SLC39A11: variants seen among roughly 807,000 people sequenced by gnomAD.
The protein encoded by SLC39A11 is zinc transporter ZIP11.
SLC39A11 carries 33 observed loss-of-function variants against 36.1 expected under a neutral mutation model. The observed-to-expected ratio is 0.91, with a 90% CI of 0.69 to 1.22. SLC39A11 has a LOEUF of 1.22. SLC39A11 is among the 50% of genes most tolerant of loss of function. The pLI is 0.00. For synonymous variants in SLC39A11, 166 were observed against 170.3 expected (o/e 0.97, Z 0.20); for missense variants, 432 against 430.3 (o/e 1.00, Z -0.03).
At chr17:73,091,219 G>C (rs1408023856) in intron 1 of SLC39A11, among the ~76,000 whole-genome samples, 1 of 152,158 alleles carries the variant, frequency 6.6e-6, no homozygotes, top group Admixed American at 6.5e-5. Flanking sequence ...CCTGAGGTCA[G>C]GAGTTCGAGA....
intron 4 of SLC39A11, among the ~76,000 whole-genome samples, chr17:73,021,244 C>T (rs766435694): frequency 2.0e-5 from 3 of 152,026 alleles, no homozygotes; most frequent in Non-Finnish European, 4.4e-5. Flanking sequence ...GCTAGGGGTA[C>T]GGTTATAAGC....
intron 6 of SLC39A11, among the ~76,000 whole-genome samples, chr17:72,788,911 T>C (rs2076604967): frequency 6.6e-6 from 1 of 152,228 alleles, no homozygotes; most frequent in Non-Finnish European, 1.5e-5. Flanking sequence ...ACATGTACTG[T>C]GGCAAGGCCA....
intron 7 of SLC39A11, among the ~76,000 whole-genome samples, chr17:72,665,708 C>T (rs376361852): frequency 4.9e-4 from 75 of 152,024 alleles, no homozygotes; most frequent in Non-Finnish European, 7.9e-4. Context: ...TATTCCGTTA[C>T]GCAGCAATAA....
At chr17:72,740,465 AGAG>A (rs949438617) in intron 6 of SLC39A11, among the ~76,000 whole-genome samples, 74 of 152,308 alleles carry the variant, frequency 4.9e-4, no homozygotes, top group African/African-American at 1.5e-3. Flanking sequence ...CTGTTTATAA[AGAG>A]GAGTTGTGTG....
At chr17:73,018,003 A>G (rs1029162635) in intron 4 of SLC39A11, among the ~76,000 whole-genome samples, 1 of 152,192 alleles carries the variant, frequency 6.6e-6, no homozygotes, top group South Asian at 2.1e-4. Flanking sequence ...TTAGCAAGGA[A>G]ATCTCACTGT....
intron 6 of SLC39A11, among the ~76,000 whole-genome samples, chr17:72,753,248 T>C (rs1180501057): frequency 2.6e-5 from 4 of 152,128 alleles, no homozygotes; most frequent in Non-Finnish European, 1.5e-5. Context: ...ATCTACAAGG[T>C]TGTGCTTTTT....
intron 7 of SLC39A11, among the ~76,000 whole-genome samples, chr17:72,732,960 A>C (rs773432757): frequency 6.6e-6 from 1 of 152,200 alleles, no homozygotes; most frequent in Non-Finnish European, 1.5e-5. Flanking sequence ...TCTCTGTCCA[A>C]GATCCTGGAG....
At chr17:72,937,452 G>A (rs905871964) in intron 5 of SLC39A11, among the ~76,000 whole-genome samples, 13 of 140,272 alleles carry the variant, frequency 9.3e-5, no homozygotes, top group South Asian at 2.7e-4. Flanking sequence ...GAGAGAGTCC[G>A]TCTAAACAAA....
chr17:73,029,999 C>T (rs1326131850), intron 4 of SLC39A11, among the ~76,000 whole-genome samples: 4 of 147,356 alleles, frequency 2.7e-5, no homozygotes, highest in East Asian at 2.2e-4. Flanking sequence ...GGACAGGGGC[C>T]GGGGTAGGGG....
intron 6 of SLC39A11, among the ~76,000 whole-genome samples, chr17:72,769,165 G>A (rs2075849846): frequency 6.6e-6 from 1 of 152,120 alleles, no homozygotes; most frequent in Non-Finnish European, 1.5e-5. Context: ...CTTAGCCAGT[G>A]GCTCTGTCTG....
chr17:72,744,166 C>A (rs1437015376), intron 6 of SLC39A11, among the ~76,000 whole-genome samples: 1 of 152,096 alleles, frequency 6.6e-6, no homozygotes, highest in Non-Finnish European at 1.5e-5. Flanking sequence ...AAGGTTCTTG[C>A]AAAAATGAAA....
intron 2 of SLC39A11, among the ~76,000 whole-genome samples, chr17:73,085,184 G>A (rs1162609861): frequency 6.6e-6 from 1 of 152,102 alleles, no homozygotes; most frequent in East Asian, 1.9e-4. Context: ...GAGCGTTGGT[G>A]AGGAGCAGAG....
intron 5 of SLC39A11, among the ~76,000 whole-genome samples, chr17:72,919,258 GATAATA>G (rs941372943): frequency 1.3e-5 from 2 of 151,394 alleles, no homozygotes; most frequent in African/African-American, 2.4e-5. Context: ...CACTCTTGCT[GATAATA>G]ATAATAATAA....
chr17:72,730,697 T>C (rs2074179934), intron 7 of SLC39A11, among the ~76,000 whole-genome samples: 2 of 152,194 alleles, frequency 1.3e-5, no homozygotes, highest in South Asian at 2.1e-4. Flanking sequence ...TCTTGCTCTG[T>C]CACCCAGGCT....
At chr17:72,899,966 AAGAG>A (rs1194421171) in intron 5 of SLC39A11, among the ~76,000 whole-genome samples, 5 of 140,956 alleles carry the variant, frequency 3.5e-5, no homozygotes, top group Non-Finnish European at 4.8e-5. Context: ...TGAAAAAAGA[AAGAG>A]AGAGAGAGAG....
At chr17:72,996,460 A>G (rs1314969729) in intron 4 of SLC39A11, among the ~76,000 whole-genome samples, 1 of 152,204 alleles carries the variant, frequency 6.6e-6, no homozygotes, top group Non-Finnish European at 1.5e-5. Context: ...TCAAGGTATC[A>G]GCAGGGCCAT....
At chr17:72,930,653 T>C (rs898564495) in intron 5 of SLC39A11, among the ~76,000 whole-genome samples, 1 of 152,156 alleles carries the variant, frequency 6.6e-6, no homozygotes, top group Non-Finnish European at 1.5e-5. Flanking sequence ...GGCTGAAGGA[T>C]TGTCACAGAG....
chr17:72,858,908 A>C (rs140963714), intron 5 of SLC39A11, among the ~76,000 whole-genome samples: 29 of 152,334 alleles, frequency 1.9e-4, no homozygotes, highest in African/African-American at 6.7e-4. Flanking sequence ...AAGACTATAC[A>C]GTTTTCTAGA....
At chr17:72,822,679 G>A (rs1350041586) in intron 6 of SLC39A11, among the ~76,000 whole-genome samples, 1 of 151,042 alleles carries the variant, frequency 6.6e-6, no homozygotes, top group Non-Finnish European at 1.5e-5. Context: ...AGGAGACAAA[G>A]GAAATAAGTG....
Sources: allele counts gnomAD v4.1 joint callset (sites outside exome capture counted in the v4.1 genomes callset), GRCh38; gene constraint gnomAD v4.1.1; transcripts MANE v1.5; gene names NCBI Gene and HGNC (gene_info 2026-07-23, HGNC 2026-07-21).